Variants in TCERG1L observed in about 807,000 individuals in gnomAD.
The protein encoded by TCERG1L is transcription elongation regulator 1-like protein.
TCERG1L carries 37 observed loss-of-function variants against 56.3 expected under a neutral mutation model. That is an observed-to-expected ratio of 0.66 (90% CI 0.51 to 0.87). The LOEUF is 0.87. Ranked by LOEUF, TCERG1L falls within the 40% of genes least tolerant of loss-of-function variation. The pLI is 0.00. For synonymous variants in TCERG1L, 324 were observed against 326.3 expected (o/e 0.99, Z 0.08); for missense variants, 799 against 774.2 (o/e 1.03, Z -0.38).
At chr10:131,297,792 TTA>T (rs1203394560) in intron 3 of TCERG1L, among the ~76,000 whole-genome samples, 1 of 152,166 alleles carries the variant, frequency 6.6e-6, no homozygotes, top group African/African-American at 2.4e-5. Context: ...CTACTTCTAT[TTA>T]TGTTTTCTAT....
At chr10:131,263,296 A>T (rs1206548535) in intron 3 of TCERG1L, among the ~76,000 whole-genome samples, 1 of 152,214 alleles carries the variant, frequency 6.6e-6, no homozygotes, top group African/African-American at 2.4e-5. Flanking sequence ...GAAAAAACTA[A>T]GCACTGTTCA....
At chr10:131,142,569 T>C (rs1214159408) in intron 7 of TCERG1L, among the ~76,000 whole-genome samples, 3 of 152,174 alleles carry the variant, frequency 2.0e-5, no homozygotes, top group Non-Finnish European at 4.4e-5. Flanking sequence ...GCCCGCAGAC[T>C]AGGGAAGGAC....
Position 131,311,047 on chromosome 10 carries a change from G to GTCCCTCCACGGC in TCERG1L, c.342+235_342+246dup, listed in dbSNP as rs1270145058. On this transcript the variant is annotated intron_variant, in intron 1 of 11. Transcript: ENST00000368642. This position sits in a 1 kb window ranked among gnomAD's most constrained non-coding sequence, Gnocchi z 4.0. ...GTCCCCACGCGGGCCTGGGCGGCGG[G>GTCCCTCCACGGC]TCCCTCCACGGCTCCGTCCAGACAC... Among the ~76,000 whole-genome samples the GTCCCTCCACGGC allele has an allele frequency of 2.0e-5, 3 of 152,254 alleles. No homozygotes were observed. Among genetic ancestry groups the GTCCCTCCACGGC allele is most frequent in the Non-Finnish European group, 4.4e-5 (3 of 67,984 alleles).
chr10:131,249,355 G>A (rs935067012), intron 4 of TCERG1L, among the ~76,000 whole-genome samples: 18 of 152,282 alleles, frequency 1.2e-4, no homozygotes, highest in Non-Finnish European at 2.4e-4. Flanking sequence ...CCATGGCCCT[G>A]GCAGTGGCTC....
chr10:131,311,354 G>A lies in TCERG1L; in HGVS notation c.282C>T (p.Pro94=), dbSNP rs1487152606. ...SEPVLPLLPL[P]SAPDSAAAAA... The stretch of plus-strand genomic sequence containing the variant: ...CGGCGGCGGCGGAGTCTGGCGCAGA[G>A]GGCAGCGGCAGCAGCGGGAGCACCG... The change falls in exon 1 of 12, where the codon CCC becomes CCT. Residue 94 remains proline, a synonymous_variant. Transcript: ENST00000368642. The surrounding 1 kb of genome is among the most constrained non-coding windows in gnomAD (Gnocchi z 4.0). 5.8e-6 allele frequency: 7 copies of A among 1,200,858 alleles called. No individual in the cohort carries two copies. The highest frequency in any genetic ancestry group is 8.3e-5 in the South Asian group (2 of 24,074). The allele number at this position is 1,200,858 out of a possible 1,614,324, so 74.4% of individuals were successfully genotyped here.
rs1244041230 is a variant in TCERG1L, at chr10:131,311,298, C to T, written c.338G>A (p.Gly113Glu). The T allele has an allele frequency of 2.2e-5, 26 of 1,206,182 alleles. No homozygotes were observed. The highest frequency in any genetic ancestry group is 2.6e-5 in the Non-Finnish European group (25 of 972,000). The allele number at this position is 1,206,182 out of a possible 1,614,324, so 74.7% of individuals were successfully genotyped here. ...AAAHPFPALH[G>E]QWLFGGHSPS... The stretch of plus-strand genomic sequence containing the variant: ...GGCGGGACGGGGACACGTTACCTGC[C>T]CGTGGAGCGCGGGGAAGGGGTGCGC... Residue 113 changes from glycine (G) to glutamate (E), a missense_variant, in exon 1 of 12, where the codon GGG becomes GAG. Coordinates refer to ENST00000368642, the MANE Select transcript of TCERG1L (RefSeq NM_174937.4). This position sits in a 1 kb window ranked among gnomAD's most constrained non-coding sequence, Gnocchi z 4.0.
In TCERG1L at chr10:131,109,559, G is replaced by C. The variant is rs75870563; in HGVS notation, c.1396-5205C>G. ...CAACAGGGTCTTGTTCTGTCCCCCC[G>C]GCTGGAGTGAGAGTGTTTGACTCTG... is the stretch of plus-strand genomic sequence containing the variant. On this transcript the variant is annotated intron_variant, in intron 9 of 11. Coordinates refer to ENST00000368642, the MANE Select transcript of TCERG1L (RefSeq NM_174937.4). 7.2e-5 allele frequency among the ~76,000 whole-genome samples: 11 copies of C among 152,280 alleles called. No individual in the cohort carries two copies. In the East Asian group the frequency reaches 2.1e-3, roughly 29 times the overall value.
At chr10:131,174,978 C>T (rs1564807579) in intron 4 of TCERG1L, among the ~76,000 whole-genome samples, 1 of 152,304 alleles carries the variant, frequency 6.6e-6, no homozygotes, top group East Asian at 1.9e-4. Flanking sequence ...GACCCCACCC[C>T]CGCAATTGGT....
In TCERG1L at chr10:131,216,886, G is replaced by A. The variant is rs114734907; in HGVS notation, c.856+43373C>T. 4.9e-3 allele frequency among the ~76,000 whole-genome samples: 740 copies of A among 152,242 alleles called. 6 individuals carry two copies. Among genetic ancestry groups the A allele is most frequent in the African/African-American group, 0.017 (691 of 41,550 alleles). On this transcript the variant is annotated intron_variant, in intron 4 of 11. Transcript: ENST00000368642. ...GGAAGAAGCTATGTCTCAAGAGACC[G>A]CGGGGTGGTTCCCAAATCCCACTGA... is the stretch of plus-strand genomic sequence containing the variant.
chr10:131,262,084 G>A (rs780967493), intron 3 of TCERG1L, among the ~76,000 whole-genome samples: 3 of 152,132 alleles, frequency 2.0e-5, no homozygotes, highest in Non-Finnish European at 4.4e-5. Flanking sequence ...GGGGTGAGGG[G>A]ACAGCCAGGC....
chr10:131,301,799 GAATAA>G (rs1185943176), intron 3 of TCERG1L, among the ~76,000 whole-genome samples: 1 of 151,712 alleles, frequency 6.6e-6, no homozygotes, highest in Admixed American at 6.6e-5. Context: ...TAAATCAAAA[GAATAA>G]AAGAAAATAA....
chr10:131,121,918 C>T (rs189764782), intron 8 of TCERG1L, among the ~76,000 whole-genome samples: 5 of 152,336 alleles, frequency 3.3e-5, no homozygotes, highest in Non-Finnish European at 7.3e-5. Flanking sequence ...GGTACCACAC[C>T]ACCATCAGGG....
At chr10:131,146,742 A>ACG in intron 6 of TCERG1L, 82 bp from the exon 7 acceptor site, 3 of 1,481,242 alleles carry the variant, frequency 2.0e-6, no homozygotes, top group South Asian at 1.4e-5. Context: ...TCACTGAAAA[A>ACG]GCCCCTCAGG....
intron 4 of TCERG1L, among the ~76,000 whole-genome samples, chr10:131,182,994 T>C (rs771079366): frequency 5.3e-5 from 8 of 152,196 alleles, no homozygotes; most frequent in Non-Finnish European, 1.0e-4. Context: ...GTGCAGTGCT[T>C]ATGGCATTGA....
chr10:131,216,208 C>T (rs1245018330), intron 4 of TCERG1L, among the ~76,000 whole-genome samples: 1 of 152,146 alleles, frequency 6.6e-6, no homozygotes, highest in Non-Finnish European at 1.5e-5. Context: ...ATAGAAAAAT[C>T]GTCTCACTAG....
chr10:131,126,173 A>C (rs1435653640), intron 8 of TCERG1L, among the ~76,000 whole-genome samples: 1 of 152,224 alleles, frequency 6.6e-6, no homozygotes, highest in Non-Finnish European at 1.5e-5. Context: ...GCCTAAGGCC[A>C]GACAGGCCCT....
chr10:131,293,024 T>C (rs919108965), intron 3 of TCERG1L, among the ~76,000 whole-genome samples: 9 of 152,100 alleles, frequency 5.9e-5, no homozygotes, highest in African/African-American at 2.2e-4. Flanking sequence ...CTAATTTTTG[T>C]ATTTTTAGTA....
At chr10:131,286,381 T>C (rs1036514043) in intron 3 of TCERG1L, among the ~76,000 whole-genome samples, 1 of 152,210 alleles carries the variant, frequency 6.6e-6, no homozygotes, top group South Asian at 2.1e-4. Flanking sequence ...GGAAAATCTA[T>C]ATTAAAATAT....
intron 7 of TCERG1L, among the ~76,000 whole-genome samples, chr10:131,145,986 C>T (rs1845790646): frequency 6.6e-6 from 1 of 152,238 alleles, no homozygotes; most frequent in South Asian, 2.1e-4. Flanking sequence ...TCAGAAACAA[C>T]TGCCTCTGCC....
Sources: allele counts gnomAD v4.1 joint callset (sites outside exome capture counted in the v4.1 genomes callset), GRCh38; gene constraint gnomAD v4.1.1; non-coding constraint Gnocchi (gnomAD v3.1); transcripts MANE v1.5; gene names NCBI Gene and HGNC (gene_info 2026-07-23, HGNC 2026-07-21).